The following LTBP1 variants were observed in gnomAD, a reference collection of about 807,000 sequenced individuals.
LTBP1 encodes the protein latent-transforming growth factor beta-binding protein 1.
LTBP1 carries 129 observed loss-of-function variants against 207.6 expected under a neutral mutation model. That is an observed-to-expected ratio of 0.62 (90% confidence interval 0.54 to 0.72). LTBP1 has a LOEUF of 0.72. Among genes scored for constraint, LTBP1 ranks in the 30% least tolerant of loss-of-function variants. LTBP1 has a pLI of 0.00. For synonymous variants in LTBP1, 963 were observed against 833.7 expected (o/e 1.16, Z -2.67); for missense variants, 2,281 against 2,217.2 (o/e 1.03, Z -0.58).
At position 33,303,488 on chromosome 2, in the gene LTBP1, T is replaced by C. The variant is rs1366304111; in HGVS notation, c.3481+1844T>C. On this transcript the variant is annotated intron_variant, in intron 22 of 33. Transcript: ENST00000404816. ...CCTCAGCCTCCCGAGTAGCTGGGAC[T>C]ACAAGCACCTGCCACCATGCCCGGC... 2.6e-5 allele frequency among the ~76,000 whole-genome samples: 4 copies of C among 151,912 alleles called. No individual in the cohort carries two copies. In the East Asian group the frequency reaches 7.7e-4, roughly 29 times the overall value.
intron 3 of LTBP1, chr2:33,056,415 A>T (rs1213830224): frequency 8.2e-6 from 9 of 1,099,114 alleles, no homozygotes; most frequent in Non-Finnish European, 1.1e-5. Flanking sequence ...GCCCTGGGCG[A>T]TGGTGACTTT....
intron 5 of LTBP1, among the ~76,000 whole-genome samples, chr2:33,145,383 C>G (rs1323200000): frequency 6.6e-6 from 1 of 152,060 alleles, no homozygotes; most frequent in Admixed American, 6.6e-5. Context: ...TATAAGTTTT[C>G]CTAGTGTAGA....
intron 9 of LTBP1, among the ~76,000 whole-genome samples, chr2:33,227,179 A>G (rs887346314): frequency 2.0e-5 from 3 of 151,964 alleles, no homozygotes; most frequent in African/African-American, 7.3e-5. Context: ...GAGTAGCACC[A>G]ACACACCTGA....
chr2:33,287,816 G>T (rs1419231607), intron 19 of LTBP1, among the ~76,000 whole-genome samples: 1 of 152,206 alleles, frequency 6.6e-6, no homozygotes, highest in Non-Finnish European at 1.5e-5. Context: ...ATTGACAGAG[G>T]GGGTGTGAGA....
chr2:33,397,956 A>C (rs1450703065), intron 33 of LTBP1, among the ~76,000 whole-genome samples: 1 of 152,142 alleles, frequency 6.6e-6, no homozygotes, highest in African/African-American at 2.4e-5. Flanking sequence ...GGTCTCATGT[A>C]GAAGGAGGTC....
intron 3 of LTBP1, among the ~76,000 whole-genome samples, chr2:33,077,953 G>A (rs1301401451): frequency 1.3e-5 from 2 of 152,186 alleles, no homozygotes; most frequent in Non-Finnish European, 2.9e-5. Flanking sequence ...AACAGGAGGG[G>A]AAGTGGTGAA....
intron 3 of LTBP1, among the ~76,000 whole-genome samples, chr2:33,072,271 C>T (rs746419920): frequency 2.0e-5 from 3 of 152,182 alleles, no homozygotes; most frequent in South Asian, 2.1e-4. Flanking sequence ...CCATGTCCTC[C>T]CGGGATGCAC....
chr2:33,105,729 A>G (rs537412874), intron 3 of LTBP1, among the ~76,000 whole-genome samples: 1 of 152,198 alleles, frequency 6.6e-6, no homozygotes, highest in African/African-American at 2.4e-5. Flanking sequence ...CCAGCCCCAT[A>G]ATCTTTTTGC....
chr2:32,963,390 T>C (rs72789879), intron 2 of LTBP1, among the ~76,000 whole-genome samples: 16,197 of 151,602 alleles, frequency 0.11, 1,091 homozygotes, highest in Middle Eastern at 0.16. Flanking sequence ...TTTAACTTTT[T>C]TGTAGAGGTG....
At chr2:33,016,357 CAA>C (rs1035208304) in intron 2 of LTBP1, among the ~76,000 whole-genome samples, 33 of 152,254 alleles carry the variant, frequency 2.2e-4, no homozygotes, top group Admixed American at 4.6e-4. Flanking sequence ...AAAAATGATT[CAA>C]AGAGTAGCGT....
At chr2:33,385,803 T>C (rs147305188) in intron 31 of LTBP1, among the ~76,000 whole-genome samples, 78 of 152,034 alleles carry the variant, frequency 5.1e-4, no homozygotes, top group Middle Eastern at 3.4e-3. Flanking sequence ...TCAAAATACA[T>C]TTCCTGGTGA....
chr2:33,311,479 G>A (rs2094186688), intron 23 of LTBP1, among the ~76,000 whole-genome samples: 2 of 149,648 alleles, frequency 1.3e-5, no homozygotes, highest in Non-Finnish European at 3.0e-5. Flanking sequence ...TTCCACTTTG[G>A]GACTATTACC....
At chr2:32,988,618 G>A (rs1436067689) in intron 2 of LTBP1, among the ~76,000 whole-genome samples, 1 of 152,196 alleles carries the variant, frequency 6.6e-6, no homozygotes, top group Non-Finnish European at 1.5e-5. Flanking sequence ...ACACCTCATG[G>A]AAATTGTTGG....
At chr2:33,101,167 A>G (rs1398789970) in intron 3 of LTBP1, among the ~76,000 whole-genome samples, 2 of 152,190 alleles carry the variant, frequency 1.3e-5, no homozygotes, top group African/African-American at 4.8e-5. Flanking sequence ...CTCATTAGGT[A>G]TTAAGGAGTG....
chr2:33,015,976 C>G (rs974395259), intron 2 of LTBP1, among the ~76,000 whole-genome samples: 1 of 152,158 alleles, frequency 6.6e-6, no homozygotes, highest in African/African-American at 2.4e-5. Flanking sequence ...GCCCCATAGT[C>G]CAGTCACCTC....
intron 23 of LTBP1, 43 bp downstream of exon 23, chr2:33,309,599 C>A (rs2094151071): frequency 1.3e-6 from 2 of 1,589,342 alleles, no homozygotes; most frequent in Non-Finnish European, 1.7e-6. Context: ...TTACGTAATT[C>A]TTCAATTCTG....
chr2:32,950,004 A>G (rs1676859174), intron 2 of LTBP1, among the ~76,000 whole-genome samples: 1 of 152,252 alleles, frequency 6.6e-6, no homozygotes, highest in African/African-American at 2.4e-5. Context: ...TCAAACCACT[A>G]GATCAGAAAT....
Position 33,275,820 on chromosome 2 carries a change from G to T in LTBP1, c.2889G>T (p.Arg963Ser), listed in dbSNP as rs890959159. Residue 963 changes from arginine to serine, a missense_variant, in exon 18 of 34, where the codon AGG (arginine) becomes AGT (serine). Transcript: ENST00000404816. Reference protein sequence around the residue: ...TNCIDVDECLRPDVCGEGHCV... With the variant: ...TNCIDVDECLSPDVCGEGHCV... ...TCGTAGATGTTGACGAATGCCTGAGGCCGGACGTCTGTGGGGAGGGGCACT... is the reference window on the plus strand; with the variant it reads ...TCGTAGATGTTGACGAATGCCTGAGTCCGGACGTCTGTGGGGAGGGGCACT... 1 of 1,614,054 alleles carries T rather than the reference G, an allele frequency of 6.2e-7. No homozygotes were observed. The highest frequency in any genetic ancestry group is 8.5e-7 in the Non-Finnish European group (1 of 1,179,986).
chr2:33,080,873 AAG>A (rs1172337179), intron 3 of LTBP1, among the ~76,000 whole-genome samples: 1 of 152,204 alleles, frequency 6.6e-6, no homozygotes, highest in Non-Finnish European at 1.5e-5. Context: ...GTAGAGGAGA[AAG>A]AGTATTTTCC....
Sources: gnomAD v4.1 joint callset for allele counts (sites outside exome capture counted in the v4.1 genomes callset) on GRCh38, gnomAD v4.1.1 for gene constraint, MANE v1.5 for transcripts, NCBI Gene and HGNC (gene_info 2026-07-23, HGNC 2026-07-21) for gene names.